CDK19: variants seen among roughly 807,000 people sequenced by gnomAD.
CDK19 encodes cyclin-dependent kinase 19.
Under a neutral mutation model 68.3 loss-of-function variants are expected in CDK19, and 20 were observed. The ratio of observed to expected loss-of-function variants is 0.29; its 90% CI spans 0.21 to 0.43. CDK19 has a LOEUF of 0.43. Ranked by LOEUF, CDK19 falls within the 20% of genes least tolerant of loss-of-function variation. The pLI, the probability that CDK19 is intolerant of heterozygous loss-of-function variation, is 1.00. For missense variants in CDK19, 339 were observed against 623.5 expected (o/e 0.54, Z 4.86); for synonymous variants, 221 against 222.8 (o/e 0.99, Z 0.07).
rs1200500741 is a variant in CDK19 at position 110,621,866 on chromosome 6, G to T, written c.1110+222C>A. Among the ~76,000 whole-genome samples, 1 of 152,114 alleles carries T rather than the reference G, an allele frequency of 6.6e-6. No homozygotes were observed. The highest frequency in any genetic ancestry group is 1.5e-5 in the Non-Finnish European group (1 of 68,034). On this transcript the variant is annotated intron_variant, in intron 11 of 12. Coordinates refer to ENST00000368911, the MANE Select transcript of CDK19 (RefSeq NM_015076.5). The surrounding 1 kb of genome is among the most constrained non-coding windows in gnomAD (Gnocchi z 5.4). The stretch of plus-strand genomic sequence containing the variant: ...AAGTGGGAATCCGGGAGTAGAACTG[G>T]CTGTAACACACACCGGAAGCTCAGG...
intron 4 of CDK19, among the ~76,000 whole-genome samples, chr6:110,640,654 T>A (rs1181181969): frequency 6.6e-6 from 1 of 152,130 alleles, no homozygotes; most frequent in Non-Finnish European, 1.5e-5. Flanking sequence ...CGACAACATA[T>A]TGAGTTTGAA....
intron 5 of CDK19, among the ~76,000 whole-genome samples, chr6:110,634,672 T>C (rs915253084): frequency 3.9e-5 from 6 of 152,242 alleles, no homozygotes; most frequent in Non-Finnish European, 7.3e-5. Flanking sequence ...CAAACAAAAA[T>C]ATTCAAATTC....
chr6:110,771,416 T>C (rs1237232683), intron 1 of CDK19, among the ~76,000 whole-genome samples: 5 of 152,152 alleles, frequency 3.3e-5, no homozygotes, highest in Admixed American at 3.3e-4. Flanking sequence ...TGGCCACTTT[T>C]AGTCACAGCT....
intron 2 of CDK19, among the ~76,000 whole-genome samples, chr6:110,692,855 G>T (rs1020133557): frequency 1.3e-5 from 2 of 152,128 alleles, no homozygotes; most frequent in African/African-American, 4.8e-5. Context: ...ACATTAGCCA[G>T]ACATGTTGGT....
At chr6:110,743,114 T>C (rs1361390041) in intron 2 of CDK19, among the ~76,000 whole-genome samples, 1 of 152,098 alleles carries the variant, frequency 6.6e-6, no homozygotes, top group Non-Finnish European at 1.5e-5. Flanking sequence ...AGAAAGAACA[T>C]ACGTTGAAAT....
At chr6:110,705,673 A>G (rs2114661375) in intron 2 of CDK19, among the ~76,000 whole-genome samples, 1 of 152,366 alleles carries the variant, frequency 6.6e-6, no homozygotes, top group South Asian at 2.1e-4. Flanking sequence ...ATGAAAACCA[A>G]GAAAGATTAC....
rs539666283 is a variant in CDK19, at chr6:110,656,241, T to G, written c.456+11193A>C. 1.9e-3 allele frequency among the ~76,000 whole-genome samples: 288 copies of G among 152,284 alleles called. 5 individuals carry two copies. Among genetic ancestry groups the G allele is most frequent in the South Asian group, 0.018 (86 of 4,820 alleles). On this transcript the variant is annotated intron_variant, in intron 4 of 12. Transcript: ENST00000368911. ...GGGATCGTATTCATTAACTCTGTAT[T>G]CCCAGTACCCAGCATACTATCTGGT...
chr6:110,633,382 T>C (rs989204682), intron 5 of CDK19, among the ~76,000 whole-genome samples: 1 of 152,124 alleles, frequency 6.6e-6, no homozygotes, highest in South Asian at 2.1e-4. Context: ...AATGACAGCA[T>C]ACTGATGATT....
intron 12 of CDK19, among the ~76,000 whole-genome samples, chr6:110,618,890 T>C (rs144832178): frequency 3.3e-4 from 51 of 152,296 alleles, no homozygotes; most frequent in Non-Finnish European, 5.1e-4. Flanking sequence ...TCTGCCTTTC[T>C]TTACCCAGAA....
chr6:110,696,928 G>A lies in CDK19; in HGVS notation c.205-26387C>T, dbSNP rs551131869. On this transcript the variant is annotated intron_variant, in intron 2 of 12. Transcript: ENST00000368911. Reference sequence around the variant, plus strand: ...ACAAAAATTAGCCAGGTGTGGTGGTGAGCACCTGTAATCCCAGCTACTCGA... The same window carrying A: ...ACAAAAATTAGCCAGGTGTGGTGGTAAGCACCTGTAATCCCAGCTACTCGA... 2.6e-5 allele frequency among the ~76,000 whole-genome samples: 4 copies of A among 152,122 alleles called. No individual in the cohort carries two copies. The East Asian group carries it at 7.7e-4, about 29-fold the overall frequency.
chr6:110,737,303 A>G (rs1777316566), intron 2 of CDK19, among the ~76,000 whole-genome samples: 1 of 152,214 alleles, frequency 6.6e-6, no homozygotes, highest in South Asian at 2.1e-4. Flanking sequence ...CCTTCTCACA[A>G]AAGTGAGTAA....
chr6:110,741,092 T>C (rs1777625498), intron 2 of CDK19, among the ~76,000 whole-genome samples: 1 of 151,874 alleles, frequency 6.6e-6, no homozygotes, highest in Non-Finnish European at 1.5e-5. Flanking sequence ...ATGAAGCCTA[T>C]AAACATATGT....
At chr6:110,703,732 C>T (rs887372642) in intron 2 of CDK19, among the ~76,000 whole-genome samples, 1 of 152,072 alleles carries the variant, frequency 6.6e-6, no homozygotes, top group Non-Finnish European at 1.5e-5. Context: ...CCCAGCAACT[C>T]GGGAGGCTGA....
At chr6:110,662,926 C>T (rs1366573940) in intron 4 of CDK19, among the ~76,000 whole-genome samples, 1 of 152,102 alleles carries the variant, frequency 6.6e-6, no homozygotes, top group Non-Finnish European at 1.5e-5. Flanking sequence ...ACTTTATTTA[C>T]ATTCTCTATT....
chr6:110,736,746 A>G (rs1777278423), intron 2 of CDK19, among the ~76,000 whole-genome samples: 1 of 152,206 alleles, frequency 6.6e-6, no homozygotes, highest in African/African-American at 2.4e-5. Flanking sequence ...TAATAATACC[A>G]ACAACAAAAA....
chr6:110,653,727 T>C (rs1681561959), intron 4 of CDK19, among the ~76,000 whole-genome samples: 1 of 152,244 alleles, frequency 6.6e-6, no homozygotes, highest in Non-Finnish European at 1.5e-5. Flanking sequence ...ATATGATTAC[T>C]CAGAAGCTAC....
chr6:110,801,544 C>T (rs1030008621), intron 1 of CDK19, among the ~76,000 whole-genome samples: 2 of 151,790 alleles, frequency 1.3e-5, no homozygotes, highest in South Asian at 4.2e-4. Context: ...CAGGGTTTTG[C>T]ACTGTCGCCC....
chr6:110,720,102 T>A (rs938505307), intron 2 of CDK19, among the ~76,000 whole-genome samples: 3 of 151,702 alleles, frequency 2.0e-5, no homozygotes, highest in African/African-American at 7.3e-5. Context: ...CTGAAAACCC[T>A]GATTCATGAA....
chr6:110,733,391 A>AT (rs1776908931), intron 2 of CDK19, among the ~76,000 whole-genome samples: 1 of 152,182 alleles, frequency 6.6e-6, no homozygotes, highest in African/African-American at 2.4e-5. Context: ...GGCTATTATG[A>AT]ATAAAGCTGT....
Sources: gnomAD v4.1 joint callset for allele counts (sites outside exome capture counted in the v4.1 genomes callset) on GRCh38, gnomAD v4.1.1 for gene constraint, Gnocchi (gnomAD v3.1) non-coding constraint, MANE v1.5 for transcripts, NCBI Gene and HGNC (gene_info 2026-07-23, HGNC 2026-07-21) for gene names.